The following PIK3C2G variants were observed in gnomAD, a reference collection of about 807,000 sequenced individuals.
PIK3C2G encodes the protein phosphatidylinositol-4-phosphate 3-kinase catalytic subunit type 2 gamma.
PIK3C2G carries 168 observed loss-of-function variants against 181.1 expected under a neutral mutation model. The ratio of observed to expected loss-of-function variants is 0.93; its 90% confidence interval spans 0.82 to 1.05. The LOEUF is 1.05. Ranked by LOEUF, PIK3C2G falls within the 50% of genes least tolerant of loss-of-function variation. The pLI, the probability that PIK3C2G is intolerant of heterozygous loss-of-function variation, is 0.00. For synonymous variants in PIK3C2G, 573 were observed against 592.2 expected (o/e 0.97, Z 0.47); for missense variants, 1,869 against 1,732.8 (o/e 1.08, Z -1.40).
At chr12:18,432,646 G>A (rs11044108) in intron 18 of PIK3C2G, among the ~76,000 whole-genome samples, 35,494 of 152,072 alleles carry the variant, frequency 0.23, 4,383 homozygotes, top group Admixed American at 0.34. Context: ...ATTCTGTTTA[G>A]AAATTATTCT....
intron 1 of PIK3C2G, among the ~76,000 whole-genome samples, chr12:18,253,675 C>T (rs916231922): frequency 1.3e-5 from 2 of 152,094 alleles, no homozygotes; most frequent in Non-Finnish European, 2.9e-5. Flanking sequence ...GGAGTTGTAG[C>T]GCAATGAAAC....
At chr12:18,530,705 G>C (rs1006125399) in intron 24 of PIK3C2G, among the ~76,000 whole-genome samples, 1 of 152,098 alleles carries the variant, frequency 6.6e-6, no homozygotes, top group African/African-American at 2.4e-5. Flanking sequence ...TTTAACCCTT[G>C]CTGTTCTTGT....
At chr12:18,454,530 G>T (rs994669414) in intron 18 of PIK3C2G, among the ~76,000 whole-genome samples, 1 of 152,156 alleles carries the variant, frequency 6.6e-6, no homozygotes, top group Admixed American at 6.6e-5. Context: ...AAAAGATCAT[G>T]CAGGGTCTTG....
Position 18,607,217 on chromosome 12 carries a change from A to C in PIK3C2G, c.4088-2318A>C, listed in dbSNP as rs80273034. The stretch of plus-strand genomic sequence containing the variant: ...ATAGACAAAAATGGTTAACAAAATG[A>C]TTTTAATTGAAAGGAATAATATGAG... On this transcript the variant is annotated intron_variant, in intron 30 of 32. Coordinates refer to ENST00000538779, the MANE Select transcript of PIK3C2G (RefSeq NM_001288772.2). 4.9e-3 allele frequency: 2,495 copies of C among 513,060 alleles called. 57 individuals carry two copies. The highest frequency in any genetic ancestry group is 0.042 in the African/African-American group (2,199 of 51,790). The allele number at this position is 513,060 out of a possible 1,614,324, so 31.8% of individuals were successfully genotyped here. A position where few individuals can be genotyped will look rare whatever the true frequency, so the allele number is the denominator to read the frequency against.
At chr12:18,509,299 C>G (rs757344632) in intron 24 of PIK3C2G, among the ~76,000 whole-genome samples, 1 of 152,162 alleles carries the variant, frequency 6.6e-6, no homozygotes, top group South Asian at 2.1e-4. Context: ...TCGCCCGCCT[C>G]GGCCTCTCAA....
At chr12:18,628,633 A>G (rs1289863274) in intron 31 of PIK3C2G, among the ~76,000 whole-genome samples, 1 of 152,224 alleles carries the variant, frequency 6.6e-6, no homozygotes, top group East Asian at 1.9e-4. Flanking sequence ...CTGAAATAAT[A>G]ACTAAGCTAA....
At chr12:18,629,766 T>C (rs767487635) in intron 31 of PIK3C2G, among the ~76,000 whole-genome samples, 3 of 152,154 alleles carry the variant, frequency 2.0e-5, no homozygotes, top group South Asian at 2.1e-4. Context: ...ATCAGAGACA[T>C]GCCTTCAGAT....
At chr12:18,429,886 C>A (rs1016673330) in intron 18 of PIK3C2G, among the ~76,000 whole-genome samples, 1 of 152,192 alleles carries the variant, frequency 6.6e-6, no homozygotes, top group African/African-American at 2.4e-5. Flanking sequence ...ACGGCCCCTT[C>A]TCTGGAGAAT....
intron 14 of PIK3C2G, among the ~76,000 whole-genome samples, chr12:18,383,285 T>C (rs1942960374): frequency 6.6e-6 from 1 of 152,170 alleles, no homozygotes; most frequent in African/African-American, 2.4e-5. Flanking sequence ...GAATATGTAA[T>C]ACTAAGCCAG....
chr12:18,419,033 G>A (rs1217273788), intron 16 of PIK3C2G, among the ~76,000 whole-genome samples: 1 of 152,156 alleles, frequency 6.6e-6, no homozygotes, highest in Non-Finnish European at 1.5e-5. Flanking sequence ...AGTGAGGAAG[G>A]CTGGTAGTAA....
intron 31 of PIK3C2G, among the ~76,000 whole-genome samples, chr12:18,631,501 T>G (rs1949349059): frequency 6.6e-6 from 1 of 152,120 alleles, no homozygotes; most frequent in Non-Finnish European, 1.5e-5. Context: ...CTTCATACAA[T>G]GGGGAATCCT....
At chr12:18,353,025 G>C (rs1940376145) in intron 11 of PIK3C2G, among the ~76,000 whole-genome samples, 1 of 152,172 alleles carries the variant, frequency 6.6e-6, no homozygotes, top group South Asian at 2.1e-4. Context: ...AAACAGGAAT[G>C]CATGTTCTCA....
chr12:18,670,254 G>T, the PIK3C2G span, among the ~76,000 whole-genome samples: 1 of 151,936 alleles, frequency 6.6e-6, no homozygotes, highest in Admixed American at 6.6e-5. Flanking sequence ...TTATCAGATT[G>T]CTACATTTCT....
At chr12:18,570,995 CCTAT>C (rs747156791) in intron 29 of PIK3C2G, among the ~76,000 whole-genome samples, 6 of 150,720 alleles carry the variant, frequency 4.0e-5, no homozygotes, top group Non-Finnish European at 7.4e-5. Context: ...TTACTTTCAA[CCTAT>C]CTAACTTACA....
the PIK3C2G span, among the ~76,000 whole-genome samples, chr12:18,657,932 A>G: frequency 6.6e-6 from 1 of 152,166 alleles, no homozygotes; most frequent in African/African-American, 2.4e-5. Flanking sequence ...AGGAAACCAC[A>G]TACAAAGAAC....
In PIK3C2G at chr12:18,571,827, CTTAA is replaced by C. The variant is rs201286321; in HGVS notation, c.4011+4774_4011+4777del. Among the ~76,000 whole-genome samples the C allele has an allele frequency of 6.0e-5, 9 of 150,834 alleles. No individual in the cohort carries two copies. The East Asian group carries it at 9.7e-4, about 16-fold the overall frequency. The stretch of plus-strand genomic sequence containing the variant: ...TAATTTTCATCTTTTACTTGTACTG[CTTAA>C]TTATTTACACTTGCTACTGTCATTG... On this transcript the variant is annotated intron_variant, in intron 29 of 32. Coordinates refer to ENST00000538779, the MANE Select transcript of PIK3C2G (RefSeq NM_001288772.2).
intron 1 of PIK3C2G, among the ~76,000 whole-genome samples, chr12:18,254,489 A>T (rs1264394674): frequency 1.3e-5 from 2 of 151,940 alleles, no homozygotes; most frequent in African/African-American, 4.8e-5. Context: ...TTTTATTATA[A>T]TTTTTTAATA....
the PIK3C2G span, among the ~76,000 whole-genome samples, chr12:18,716,283 G>C: frequency 6.6e-6 from 1 of 151,978 alleles, no homozygotes; most frequent in Non-Finnish European, 1.5e-5. Flanking sequence ...TATTGTGAAA[G>C]AAAACTTTTC....
At chr12:18,583,473 C>G (rs184108721) in intron 29 of PIK3C2G, among the ~76,000 whole-genome samples, 2 of 152,150 alleles carry the variant, frequency 1.3e-5, no homozygotes, top group African/African-American at 4.8e-5. Flanking sequence ...CTGCAAATCC[C>G]TGAGACAGAG....
Sources: gnomAD v4.1 joint callset for allele counts (sites outside exome capture counted in the v4.1 genomes callset) on GRCh38, gnomAD v4.1.1 for gene constraint, MANE v1.5 for transcripts, NCBI Gene and HGNC (gene_info 2026-07-23, HGNC 2026-07-21) for gene names.